SGCD: variants seen among roughly 807,000 people sequenced by gnomAD.
The protein encoded by SGCD is delta-sarcoglycan.
In SGCD, 18 loss-of-function variants were observed where a neutral mutation model predicts 36.6. The ratio of observed to expected loss-of-function variants is 0.49; its 90% CI spans 0.34 to 0.73. SGCD has a LOEUF of 0.73. Ranked by LOEUF, SGCD falls within the 30% of genes least tolerant of loss-of-function variation. The pLI is 0.01. For synonymous variants in SGCD, 133 were observed against 130.6 expected, an observed-to-expected ratio of 1.02 and a Z score of -0.12; for missense variants, 387 against 346.7, an observed-to-expected ratio of 1.12 and a Z score of -0.92.
chr5:156,744,996 C>T (rs1186427165), intron 7 of SGCD, among the ~76,000 whole-genome samples: 2 of 152,206 alleles, frequency 1.3e-5, no homozygotes, highest in Non-Finnish European at 2.9e-5. Context: ...AACACAGAGA[C>T]ATCAGCTGAT....
intron 4 of SGCD, among the ~76,000 whole-genome samples, chr5:156,581,284 C>T (rs1760244975): frequency 6.6e-6 from 1 of 152,150 alleles, no homozygotes; most frequent in Non-Finnish European, 1.5e-5. Flanking sequence ...GATCCTTCTT[C>T]TGGAAGCTTC....
the SGCD span, among the ~76,000 whole-genome samples, chr5:155,784,456 G>T: frequency 1.3e-5 from 2 of 152,100 alleles, no homozygotes; most frequent in Non-Finnish European, 2.9e-5. Context: ...TGACTGAGGA[G>T]TCCCTGAGAT....
intron 1 of SGCD, among the ~76,000 whole-genome samples, chr5:155,950,577 A>G (rs1349760240): frequency 6.6e-6 from 1 of 152,208 alleles, no homozygotes; most frequent in Non-Finnish European, 1.5e-5. Context: ...AATGGATGGG[A>G]AATTTCAGAT....
chr5:155,762,506 A>G, the SGCD span, among the ~76,000 whole-genome samples: 1 of 152,216 alleles, frequency 6.6e-6, no homozygotes, highest in South Asian at 2.1e-4. Context: ...AGTAATAGCA[A>G]TAGCTGTCAC....
At chr5:155,778,017 G>A in the SGCD span, among the ~76,000 whole-genome samples, 3 of 152,038 alleles carry the variant, frequency 2.0e-5, no homozygotes, top group Admixed American at 2.0e-4. Context: ...CTTTTAAAAT[G>A]CTCATTTTGA....
chr5:155,803,855 G>A, the SGCD span, among the ~76,000 whole-genome samples: 61 of 152,136 alleles, frequency 4.0e-4, no homozygotes, highest in Non-Finnish European at 6.6e-4. Context: ...GTGAGACAAA[G>A]ATGTTTAGTG....
At chr5:156,575,103 G>A (rs1759878340) in intron 4 of SGCD, among the ~76,000 whole-genome samples, 1 of 152,200 alleles carries the variant, frequency 6.6e-6, no homozygotes, top group Non-Finnish European at 1.5e-5. Flanking sequence ...AGCCCACGGA[G>A]TTTCTGCAGC....
At chr5:155,879,378 G>A (rs534891383) in intron 1 of SGCD, among the ~76,000 whole-genome samples, 3 of 152,192 alleles carry the variant, frequency 2.0e-5, no homozygotes, top group East Asian at 3.9e-4. Context: ...TCACTGCTTC[G>A]TGGATGAGGC....
chr5:156,360,485 T>G (rs1769728890), intron 3 of SGCD, among the ~76,000 whole-genome samples: 1 of 152,142 alleles, frequency 6.6e-6, no homozygotes, highest in South Asian at 2.1e-4. Flanking sequence ...TGACCTCAGG[T>G]GATCTGCCTG....
chr5:156,041,600 A>T (rs1314547431), intron 1 of SGCD, among the ~76,000 whole-genome samples: 1 of 152,200 alleles, frequency 6.6e-6, no homozygotes, highest in Non-Finnish European at 1.5e-5. Flanking sequence ...AGTACCTATT[A>T]TGTAAAGAAC....
intron 3 of SGCD, among the ~76,000 whole-genome samples, chr5:156,350,801 T>G (rs78463773): frequency 0.034 from 5,250 of 152,278 alleles, 237 homozygotes; most frequent in African/African-American, 0.097. Flanking sequence ...TGCTACTCAC[T>G]GTACATGGCC....
intron 3 of SGCD, among the ~76,000 whole-genome samples, chr5:156,391,728 T>A (rs1372935746): frequency 1.3e-5 from 2 of 152,212 alleles, no homozygotes; most frequent in African/African-American, 2.4e-5. Context: ...CTGAAACCAA[T>A]CTGCTGCAGA....
At chr5:156,154,926 C>G (rs62380701) in intron 3 of SGCD, among the ~76,000 whole-genome samples, 11,290 of 151,658 alleles carry the variant, frequency 0.074, 591 homozygotes, top group Non-Finnish European at 0.11. Flanking sequence ...CTGCACATAG[C>G]TCAGTTCTTC....
At chr5:156,676,388 A>G (rs1753508551) in intron 7 of SGCD, among the ~76,000 whole-genome samples, 1 of 152,208 alleles carries the variant, frequency 6.6e-6, no homozygotes, top group Non-Finnish European at 1.5e-5. Context: ...TAACAGGTAG[A>G]CACCCTCTGT....
chr5:156,635,888 G>C (rs1762809624), intron 6 of SGCD, among the ~76,000 whole-genome samples: 1 of 151,494 alleles, frequency 6.6e-6, no homozygotes. Flanking sequence ...CCTGTTGTGG[G>C]GTGGGGGGAG....
At chr5:156,099,055 A>C (rs1258492637) in intron 1 of SGCD, among the ~76,000 whole-genome samples, 1 of 152,172 alleles carries the variant, frequency 6.6e-6, no homozygotes, top group African/African-American at 2.4e-5. Flanking sequence ...TCATGCCCCC[A>C]AGTTTGGGGT....
chr5:156,327,269 T>A (rs1418237346), intron 1 of SGCD, 37 bp downstream of exon 1: 1 of 152,328 alleles, frequency 6.6e-6, no homozygotes. Context: ...TGCACGCGTC[T>A]GTTCACTTTC....
intron 7 of SGCD, among the ~76,000 whole-genome samples, chr5:156,682,889 C>T (rs1426623013): frequency 6.6e-6 from 1 of 152,196 alleles, no homozygotes; most frequent in Non-Finnish European, 1.5e-5. Flanking sequence ...GAATAATGGG[C>T]ATTAAGCAAA....
At chr5:156,567,806 T>C (rs952001573) in intron 4 of SGCD, among the ~76,000 whole-genome samples, 12 of 152,146 alleles carry the variant, frequency 7.9e-5, no homozygotes, top group Non-Finnish European at 1.8e-4. Flanking sequence ...TCCAAAAAAG[T>C]TGAACAAAGC....
Sources: allele counts gnomAD v4.1 joint callset (sites outside exome capture counted in the v4.1 genomes callset), GRCh38; gene constraint gnomAD v4.1.1; transcripts MANE v1.5; gene names NCBI Gene and HGNC (gene_info 2026-07-23, HGNC 2026-07-21).